The following FAM168B variants were observed in gnomAD, a reference collection of about 807,000 sequenced individuals.
FAM168B encodes myelin-associated neurite-outgrowth inhibitor.
A neutral mutation model predicts 21.8 loss-of-function variants in FAM168B; 19 were observed. The ratio of observed to expected loss-of-function variants is 0.87; its 90% confidence interval spans 0.61 to 1.28. FAM168B has a LOEUF of 1.28. Ranked by LOEUF, FAM168B falls within the 50% of genes most tolerant of loss-of-function variation. The probability of loss-of-function intolerance (pLI) is 0.00; values close to 1 mark genes in which losing one functional copy is unlikely to be tolerated. For synonymous variants in FAM168B, 126 were observed against 104.8 expected (o/e 1.20, Z -1.24); for missense variants, 233 against 263.1 (o/e 0.89, Z 0.79).
chr2:131,085,973 G>T (rs1288817847), intron 1 of FAM168B, among the ~76,000 whole-genome samples: 1 of 152,174 alleles, frequency 6.6e-6, no homozygotes, highest in African/African-American at 2.4e-5. Context: ...TGTGGCTAGT[G>T]GTTACTATAC....
At chr2:131,069,053 G>GTGGC (rs1692722211) in intron 3 of FAM168B, among the ~76,000 whole-genome samples, 2 of 152,292 alleles carry the variant, frequency 1.3e-5, no homozygotes, top group South Asian at 4.1e-4. Flanking sequence ...GTTCCACAGG[G>GTGGC]TGGCCCCCAC....
At chr2:131,087,447 G>A (rs977950757) in intron 1 of FAM168B, among the ~76,000 whole-genome samples, 6 of 152,148 alleles carry the variant, frequency 3.9e-5, no homozygotes, top group Non-Finnish European at 8.8e-5. Context: ...ACTCCAGCCT[G>A]GGCAACAGAG....
At chr2:131,075,502 T>C (rs966782567) in intron 2 of FAM168B, among the ~76,000 whole-genome samples, 1 of 151,330 alleles carries the variant, frequency 6.6e-6, no homozygotes, top group Non-Finnish European at 1.5e-5. Context: ...TTTCTTTCTT[T>C]TTTTTTTTTT....
intron 2 of FAM168B, among the ~76,000 whole-genome samples, chr2:131,082,297 A>G (rs114021189): frequency 6.6e-6 from 1 of 152,288 alleles, no homozygotes; most frequent in Non-Finnish European, 1.5e-5. Flanking sequence ...AGAGACCACA[A>G]TGAGAAGGAG....
At chr2:131,052,823 A>G in intron 6 of FAM168B, 68 bp downstream of exon 6, 1 of 1,523,810 alleles carries the variant, frequency 6.6e-7, no homozygotes, top group South Asian at 1.2e-5. Flanking sequence ...AATATGTGGT[A>G]AATTTGCCAC....
At chr2:131,091,743 G>A (rs1015791062) in intron 1 of FAM168B, among the ~76,000 whole-genome samples, 4 of 151,994 alleles carry the variant, frequency 2.6e-5, no homozygotes, top group Non-Finnish European at 4.4e-5. Flanking sequence ...AGGAATTCAT[G>A]TATTTCTGCA....
rs183123224 is a variant in FAM168B, at chr2:131,071,794, C to T, written c.154+61G>A. ...ATTCTATACCCACCCCTCTCAAAAT[C>T]CACCCCTTCACCTTTCTCTCCCAGC... On this transcript the variant is annotated intron_variant, in intron 3 of 6. Coordinates refer to ENST00000389915, the MANE Select transcript of FAM168B (RefSeq NM_001009993.4). The T allele has an allele frequency of 1.5e-4, 206 of 1,329,970 alleles. No homozygotes were observed. The African/African-American group carries it at 2.7e-3, about 17-fold the overall frequency. The allele number at this position is 1,329,970 out of a possible 1,614,324, so 82.4% of individuals were successfully genotyped here.
chr2:131,062,400 A>T (rs557042141), intron 3 of FAM168B, among the ~76,000 whole-genome samples: 1 of 152,334 alleles, frequency 6.6e-6, no homozygotes, highest in East Asian at 1.9e-4. Context: ...CCACTGCAGA[A>T]ATCCCTGCAG....
chr2:131,076,068 C>T (rs1486036875), intron 2 of FAM168B, among the ~76,000 whole-genome samples: 2 of 152,142 alleles, frequency 1.3e-5, no homozygotes, highest in Non-Finnish European at 2.9e-5. Flanking sequence ...CTGGACTGCA[C>T]AAAACCCACA....
intron 1 of FAM168B, among the ~76,000 whole-genome samples, chr2:131,083,820 A>G (rs1693540715): frequency 6.6e-6 from 1 of 152,146 alleles, no homozygotes; most frequent in Non-Finnish European, 1.5e-5. Context: ...TAAAAATATG[A>G]ACAGTGATTG....
intron 1 of FAM168B, among the ~76,000 whole-genome samples, chr2:131,092,806 C>CAA (rs200528457): frequency 4.1e-5 from 6 of 148,142 alleles, no homozygotes; most frequent in East Asian, 1.9e-4. Context: ...TTCCGCCAAG[C>CAA]AAAAAAATAA....
intron 3 of FAM168B, among the ~76,000 whole-genome samples, chr2:131,068,961 A>AGGCGTGATTGCACCACTGCACTGC (rs1391659517): frequency 6.6e-6 from 1 of 152,206 alleles, no homozygotes; most frequent in Non-Finnish European, 1.5e-5. Flanking sequence ...GGCTGCAGTG[A>AGGCGTGATTGCACCACTGCACTGC]GGCGTGATTG....
At chr2:131,091,760 A>G (rs977142387) in intron 1 of FAM168B, among the ~76,000 whole-genome samples, 3 of 152,074 alleles carry the variant, frequency 2.0e-5, no homozygotes, top group Non-Finnish European at 4.4e-5. Flanking sequence ...TGCACAGTAC[A>G]ATCAGACAGA....
intron 3 of FAM168B, among the ~76,000 whole-genome samples, chr2:131,062,268 G>C (rs1037244809): frequency 3.3e-5 from 5 of 152,166 alleles, no homozygotes; most frequent in Non-Finnish European, 7.3e-5. Flanking sequence ...AGCCACAAGT[G>C]CTCATCTGGC....
chr2:131,082,553 G>A (rs957835823), intron 2 of FAM168B, 24 bp downstream of exon 2: 2 of 1,548,168 alleles, frequency 1.3e-6, no homozygotes, highest in Non-Finnish European at 1.8e-6. Context: ...GTTCAAAAAT[G>A]AAAACAAAAT....
rs1000430131 is a variant in FAM168B at position 131,048,077 on chromosome 2, C to G, written c.*4388G>C. The G allele has an allele frequency of 5.2e-6, 4 of 766,260 alleles. No individual in the cohort carries two copies. The highest frequency in any genetic ancestry group is 4.7e-4 in the Middle Eastern group (1 of 2,110). The allele number at this position is 766,260 out of a possible 1,614,324, so 47.5% of individuals were successfully genotyped here. The stretch of plus-strand genomic sequence containing the variant: ...TTGGCATGGATACGTAAGTTCAATG[C>G]AGAGGTGAGGGATGCCTTTAACACT... On this transcript the variant is annotated 3_prime_UTR_variant, in exon 7 of 7. Transcript: ENST00000389915.
chr2:131,083,527 C>G (rs191989766), intron 1 of FAM168B, among the ~76,000 whole-genome samples: 1 of 152,218 alleles, frequency 6.6e-6, no homozygotes, highest in Admixed American at 6.5e-5. Flanking sequence ...GACAACAGAG[C>G]GAGACTTTGT....
intron 3 of FAM168B, among the ~76,000 whole-genome samples, chr2:131,060,434 T>G (rs1035005149): frequency 8.5e-5 from 13 of 152,220 alleles, no homozygotes; most frequent in African/African-American, 3.1e-4. Flanking sequence ...ATCACTCTTT[T>G]GAAGTCAAAG....
chr2:131,070,369 T>C (rs1692813100), intron 3 of FAM168B, among the ~76,000 whole-genome samples: 2 of 152,210 alleles, frequency 1.3e-5, no homozygotes, highest in South Asian at 2.1e-4. Context: ...TTCACTAGAA[T>C]GGCTAGAATT....
Sources: allele counts gnomAD v4.1 joint callset (sites outside exome capture counted in the v4.1 genomes callset), GRCh38; gene constraint gnomAD v4.1.1; transcripts MANE v1.5; gene names NCBI Gene and HGNC (gene_info 2026-07-23, HGNC 2026-07-21).